DLGAP1: variants seen among roughly 807,000 people sequenced by gnomAD.
DLGAP1 encodes disks large-associated protein 1.
A neutral mutation model predicts 90.8 loss-of-function variants in DLGAP1; 11 were observed. That is an observed-to-expected ratio of 0.12 (90% CI 0.08 to 0.20). The LOEUF (loss-of-function observed/expected upper bound fraction) is 0.20, where lower values mean the gene tolerates loss of function less well. DLGAP1 is among the 10% of genes least tolerant of loss of function. The probability of loss-of-function intolerance (pLI) is 1.00; values close to 1 mark genes in which losing one functional copy is unlikely to be tolerated. For missense variants in DLGAP1, 1,050 were observed against 1,333.8 expected (o/e 0.79, Z 3.31); for synonymous variants, 558 against 540.7 (o/e 1.03, Z -0.44).
At chr18:3,848,656 G>A (rs1280519688) in intron 4 of DLGAP1, among the ~76,000 whole-genome samples, 2 of 152,086 alleles carry the variant, frequency 1.3e-5, no homozygotes, top group Non-Finnish European at 2.9e-5. Context: ...CTTCTACGCA[G>A]GTCAGAAACC....
chr18:4,157,479 G>A (rs934909921), intron 1 of DLGAP1, among the ~76,000 whole-genome samples: 1 of 152,146 alleles, frequency 6.6e-6, no homozygotes, highest in Non-Finnish European at 1.5e-5. Context: ...AAATCACTTT[G>A]CTAATTGGTT....
At chr18:3,941,027 C>T (rs1481844993) in intron 3 of DLGAP1, among the ~76,000 whole-genome samples, 1 of 152,114 alleles carries the variant, frequency 6.6e-6, no homozygotes, top group African/African-American at 2.4e-5. Flanking sequence ...ACACCTTAGT[C>T]CATCACAGTA....
intron 7 of DLGAP1, among the ~76,000 whole-genome samples, chr18:3,658,048 A>G (rs2059564641): frequency 6.6e-6 from 1 of 152,182 alleles, no homozygotes; most frequent in South Asian, 2.1e-4. Flanking sequence ...TTTATGTGAT[A>G]TAAGTTATTT....
At chr18:4,044,986 G>T (rs2149156763) in intron 2 of DLGAP1, among the ~76,000 whole-genome samples, 1 of 152,110 alleles carries the variant, frequency 6.6e-6, no homozygotes, top group Non-Finnish European at 1.5e-5. Flanking sequence ...AAACAACCCA[G>T]CAAACACCAA....
intron 5 of DLGAP1, among the ~76,000 whole-genome samples, chr18:3,788,335 CA>C (rs2065556301): frequency 6.6e-6 from 1 of 152,092 alleles, no homozygotes; most frequent in Non-Finnish European, 1.5e-5. Context: ...GACTCCAAAA[CA>C]ACAGAATAAG....
At chr18:4,341,328 A>C (rs1342187165) in intron 1 of DLGAP1, among the ~76,000 whole-genome samples, 1 of 152,164 alleles carries the variant, frequency 6.6e-6, no homozygotes, top group African/African-American at 2.4e-5. Context: ...ATGTACTAAG[A>C]AATTTTTGTC....
intron 1 of DLGAP1, among the ~76,000 whole-genome samples, chr18:4,329,567 T>C (rs763448101): frequency 3.3e-5 from 5 of 151,990 alleles, no homozygotes; most frequent in Non-Finnish European, 7.4e-5. Context: ...TAGGATTACA[T>C]TGAAACTATC....
At chr18:4,302,392 G>T (rs1466360116) in intron 1 of DLGAP1, among the ~76,000 whole-genome samples, 2 of 152,136 alleles carry the variant, frequency 1.3e-5, no homozygotes, top group African/African-American at 4.8e-5. Flanking sequence ...ATCATTTATT[G>T]AAGAGACTAT....
At chr18:3,617,386 G>A (rs1022828143) in intron 7 of DLGAP1, among the ~76,000 whole-genome samples, 1 of 151,570 alleles carries the variant, frequency 6.6e-6, no homozygotes, top group Non-Finnish European at 1.5e-5. Context: ...ATCACCTGAG[G>A]TCAGAAGTTC....
chr18:4,245,919 T>G (rs562909593), intron 1 of DLGAP1, among the ~76,000 whole-genome samples: 31 of 146,690 alleles, frequency 2.1e-4, no homozygotes, highest in African/African-American at 7.5e-4. Context: ...CCTGTGCAAG[T>G]CTCCAAGTCA....
intron 1 of DLGAP1, chr18:4,295,429 A>C (rs1010732324): frequency 1.3e-5 from 2 of 152,204 alleles, no homozygotes; most frequent in African/African-American, 4.8e-5. Flanking sequence ...TCTAAAGTAG[A>C]TATCATGTCT....
chr18:3,581,988 T>C lies in DLGAP1; in HGVS notation c.1852A>G (p.Met618Val). 1.2e-5 allele frequency: 19 copies of C among 1,614,010 alleles called. No homozygotes were observed. Among genetic ancestry groups the C allele is most frequent in the Non-Finnish European group, 1.5e-5 (18 of 1,180,010 alleles). Residue 618 changes from methionine to valine, a missense_variant, in exon 8 of 13, where the codon ATG becomes GTG. Transcript: ENST00000315677. ...GTGACGGTGGCAGTGTTATTGCCCA[T>C]GTGTTGACTGGCAGGGCCATGGATC... ...AQIHGPASQH[M>V]GNNTATVTTT...
In DLGAP1 at chr18:3,907,066, T is replaced by G. The variant is rs1200017846; in HGVS notation, c.-72-26926A>C. On this transcript the variant is annotated intron_variant, in intron 3 of 12. Coordinates refer to ENST00000315677, the MANE Select transcript of DLGAP1 (RefSeq NM_004746.4). ...TAAAGTATATGGGAGGATATGCATA[T>G]GCAATTATATGTAAATATTATAATA... Among the ~76,000 whole-genome samples, 3 of 152,208 alleles carry G rather than the reference T, an allele frequency of 2.0e-5. No individual in the cohort carries two copies. The East Asian group carries it at 5.8e-4, about 29-fold the overall frequency.
At chr18:4,114,455 A>G (rs1292160943) in intron 2 of DLGAP1, among the ~76,000 whole-genome samples, 1 of 152,028 alleles carries the variant, frequency 6.6e-6, no homozygotes, top group African/African-American at 2.4e-5. Flanking sequence ...TGGTACATTG[A>G]TTTTGTATCC....
intron 9 of DLGAP1, among the ~76,000 whole-genome samples, chr18:3,556,422 C>T (rs2144909009): frequency 6.6e-6 from 1 of 152,318 alleles, no homozygotes; most frequent in East Asian, 1.9e-4. Flanking sequence ...CCTATTCATA[C>T]CTCCTTCCTC....
At chr18:3,613,228 T>A (rs1289848541) in intron 7 of DLGAP1, among the ~76,000 whole-genome samples, 1 of 152,226 alleles carries the variant, frequency 6.6e-6, no homozygotes, top group Non-Finnish European at 1.5e-5. Context: ...GAATTGTTGG[T>A]AGCACCTCAC....
intron 3 of DLGAP1, among the ~76,000 whole-genome samples, chr18:3,905,561 C>T (rs1372314489): frequency 1.3e-5 from 2 of 151,984 alleles, no homozygotes; most frequent in Non-Finnish European, 2.9e-5. Flanking sequence ...TATGGTAACT[C>T]TCCCTCTTTC....
intron 2 of DLGAP1, among the ~76,000 whole-genome samples, chr18:4,031,628 TTCAG>T (rs1411394325): frequency 6.6e-6 from 1 of 152,178 alleles, no homozygotes; most frequent in Non-Finnish European, 1.5e-5. Flanking sequence ...AAGAGTAATC[TTCAG>T]TAAGGTGCAT....
intron 7 of DLGAP1, among the ~76,000 whole-genome samples, chr18:3,601,859 A>AAAAAAAAT (rs2057047755): frequency 6.7e-6 from 1 of 150,160 alleles, no homozygotes; most frequent in Non-Finnish European, 1.5e-5. Flanking sequence ...AAAAAAAAAA[A>AAAAAAAAT]TTAGCTGGGC....
Sources: gnomAD v4.1 joint callset for allele counts (sites outside exome capture counted in the v4.1 genomes callset) on GRCh38, gnomAD v4.1.1 for gene constraint, MANE v1.5 for transcripts, NCBI Gene and HGNC (gene_info 2026-07-23, HGNC 2026-07-21) for gene names.